TRA2B: variants seen among roughly 807,000 people sequenced by gnomAD.
TRA2B encodes the protein transformer 2 beta homolog.
A neutral mutation model predicts 41.7 loss-of-function variants in TRA2B; 14 were observed. The observed-to-expected ratio is 0.34, with a 90% confidence interval of 0.22 to 0.53. The LOEUF (loss-of-function observed/expected upper bound fraction) is 0.53. Ranked by LOEUF, TRA2B falls within the 20% of genes least tolerant of loss-of-function variation. TRA2B has a pLI of 0.95. For missense variants in TRA2B, 167 were observed against 396.8 expected, an observed-to-expected ratio of 0.42 and a Z score of 4.92; for synonymous variants, 130 against 128.8, an observed-to-expected ratio of 1.01 and a Z score of -0.06.
rs1030310505 is a variant in TRA2B, at chr3:185,925,262, A to T, written c.333+202T>A. ...TAAGGAGTTACACCATTGTGTCAGT[A>T]TTATGCTTAATTGACAGGCAGCCCA... is the stretch of plus-strand genomic sequence containing the variant. On this transcript the variant is annotated intron_variant, in intron 3 of 8. Coordinates refer to ENST00000453386, the MANE Select transcript of TRA2B (RefSeq NM_004593.3). The T allele has an allele frequency of 1.7e-5, 9 of 541,048 alleles. No homozygotes were observed. The African/African-American group carries it at 1.7e-4, about 10-fold the overall frequency. The allele number at this position is 541,048 out of a possible 1,614,324, so 33.5% of individuals were successfully genotyped here.
rs1743449002 is a variant in TRA2B, at chr3:185,914,855, T to C, written c.*2860A>G. Among the ~76,000 whole-genome samples the C allele has an allele frequency of 6.6e-6, 1 of 152,210 alleles. No individual in the cohort carries two copies. The highest frequency in any genetic ancestry group is 6.5e-5 in the Admixed American group (1 of 15,274). Reference sequence around the variant, plus strand: ...GCAAACCAAATCTTTTTATTTCTTCTCGGTGAAACTTCTAATTCTCAATTT... The same window carrying C: ...GCAAACCAAATCTTTTTATTTCTTCCCGGTGAAACTTCTAATTCTCAATTT... On this transcript the variant is annotated 3_prime_UTR_variant, in exon 9 of 9. Transcript: ENST00000453386.
chr3:185,926,684 A>C lies in TRA2B; in HGVS notation c.87T>G (p.Ser29=), dbSNP rs769819396. 1.9e-6 allele frequency: 3 copies of C among 1,614,206 alleles called. No homozygotes were observed. The highest frequency in any genetic ancestry group is 2.5e-6 in the Non-Finnish European group (3 of 1,180,026). ...RSGSAHGSGK[S]ARHTPARSRS... is the part of the protein sequence containing the mutation. ...GAGACCTTGCAGGGGTATGCCTTGC[A>C]GATTTCCCCGATCCGTGAGCACTTC... Residue 29 remains serine (S), a synonymous_variant, in exon 2 of 9, where the codon TCT becomes TCG. Coordinates refer to ENST00000453386, the MANE Select transcript of TRA2B (RefSeq NM_004593.3).
intron 1 of TRA2B, chr3:185,927,906 TAGACA>T (rs1256892014): frequency 6.6e-6 from 1 of 152,208 alleles, no homozygotes; most frequent in African/African-American, 2.4e-5. Flanking sequence ...TTATCAAACT[TAGACA>T]AAGTAAAGCC....
Position 185,925,448 on chromosome 3 carries a change from C to T in TRA2B, c.333+16G>A. 1 of 1,608,462 alleles carries T rather than the reference C, an allele frequency of 6.2e-7. No homozygotes were observed. Among genetic ancestry groups the T allele is most frequent in the East Asian group, 2.2e-5 (1 of 44,756 alleles). On this transcript the variant is annotated intron_variant, in intron 3 of 8. Transcript: ENST00000453386. Reference sequence around the variant, plus strand: ...TTTAGGCAGTTGACTGCTTCAAAACCAGTTTTTCATCTTACCCGATTCCCA... The same window carrying T: ...TTTAGGCAGTTGACTGCTTCAAAACTAGTTTTTCATCTTACCCGATTCCCA...
chr3:185,920,891 C>A (rs539014098), intron 6 of TRA2B, among the ~76,000 whole-genome samples: 1 of 152,114 alleles, frequency 6.6e-6, no homozygotes, highest in Non-Finnish European at 1.5e-5. Context: ...CATTTAAATC[C>A]CATTTATATT....
At position 185,923,864 on chromosome 3, in the gene TRA2B, C is replaced by A; in HGVS notation, c.454G>T (p.Asp152Tyr). The A allele has an allele frequency of 1.2e-6, 2 of 1,613,982 alleles. No homozygotes were observed. The highest frequency in any genetic ancestry group is 2.2e-5 in the South Asian group (2 of 91,036). The change falls in exon 4 of 9, where the codon GAC becomes TAC. Residue 152 changes from aspartate (D) to tyrosine (Y), a missense_variant. Around this residue, in one of 5 missense-constraint regions of TRA2B, gnomAD observed 20 missense variants for 159.6 expected, o/e 0.13. Transcript: ENST00000453386. ...CCTCTTGAACGCCTAGACTGCTGGT[C>A]ATATACAATAGACACATCGGCAATG... is the stretch of plus-strand genomic sequence containing the variant. ...GPIADVSIVY[D>Y]QQSRRSRGFA...
At chr3:185,934,248 C>T (rs990312565) in intron 1 of TRA2B, among the ~76,000 whole-genome samples, 2 of 152,192 alleles carry the variant, frequency 1.3e-5, no homozygotes, top group Middle Eastern at 3.2e-3. Context: ...GAAATATACA[C>T]AGCTGTAGCT....
At chr3:185,937,483 T>C in intron 1 of TRA2B, 1 of 1,074,358 alleles carries the variant, frequency 9.3e-7, no homozygotes, top group Non-Finnish European at 1.1e-6. Flanking sequence ...GCGGCGGACC[T>C]TCGCAGGAGA....
chr3:185,936,124 T>TATTC (rs1231535737), intron 1 of TRA2B: 2 of 985,442 alleles, frequency 2.0e-6, no homozygotes, highest in South Asian at 9.4e-5. Context: ...TCTTCACGTG[T>TATTC]ATTCAATCGA....
At chr3:185,934,282 G>C (rs1254046774) in intron 1 of TRA2B, 2 of 964,610 alleles carry the variant, frequency 2.1e-6, no homozygotes, top group Middle Eastern at 5.3e-4. Flanking sequence ...GGGCAAAATA[G>C]CTATGAAAGC....
At chr3:185,918,090 T>C (rs1743572415) in intron 8 of TRA2B, among the ~76,000 whole-genome samples, 1 of 152,054 alleles carries the variant, frequency 6.6e-6, no homozygotes, top group Non-Finnish European at 1.5e-5. Flanking sequence ...GGGTAAATGG[T>C]GGAAATACAT....
chr3:185,917,794 G>C lies in TRA2B; in HGVS notation c.857-69C>G, dbSNP rs1188315882. On this transcript the variant is annotated intron_variant, in intron 8 of 8. Transcript: ENST00000453386. ...ATTATCAAGTATACTTTAATGCCGA[G>C]AATTTCAGAATATTCTGCCATTAAG... is the stretch of plus-strand genomic sequence containing the variant. 5.3e-6 allele frequency: 8 copies of C among 1,514,832 alleles called. 1 individual carries two copies. In the Admixed American group the frequency reaches 1.4e-4, roughly 26 times the overall value. The allele number at this position is 1,514,832 out of a possible 1,614,324, so 93.8% of individuals were successfully genotyped here.
Position 185,926,663 on chromosome 3 carries a change from C to A in TRA2B, c.108G>T (p.Arg36Ser). The A allele has an allele frequency of 6.2e-7, 1 of 1,614,134 alleles. No individual in the cohort carries two copies. Among genetic ancestry groups the A allele is most frequent in the South Asian group, 1.1e-5 (1 of 91,086 alleles). The change falls in exon 2 of 9, where the codon AGG becomes AGT. Residue 36 changes from arginine to serine, a missense_variant. Physicochemically the swap from Arg to Ser is moderately radical, Grantham distance 110. Coordinates refer to ENST00000453386, the MANE Select transcript of TRA2B (RefSeq NM_004593.3). ...SGKSARHTPA[R>S]SRSKEDSRRS... ...GCCTGGAATCTTCCTTGGAGCGAGA[C>A]CTTGCAGGGGTATGCCTTGCAGATT...
intron 1 of TRA2B, chr3:185,937,292 C>A: frequency 1.0e-6 from 1 of 987,008 alleles, no homozygotes; most frequent in Non-Finnish European, 1.2e-6. Flanking sequence ...GAGGCAAAGA[C>A]GGTCCTTCGT....
intron 1 of TRA2B, chr3:185,935,386 G>A (rs772734032): frequency 8.7e-4 from 862 of 985,418 alleles, no homozygotes; most frequent in Admixed American, 1.8e-3. Context: ...AGGGATGAGG[G>A]ACACACCAGT....
At chr3:185,920,929 A>G (rs765619151) in intron 6 of TRA2B, among the ~76,000 whole-genome samples, 175 bp downstream of exon 6, 2 of 151,536 alleles carry the variant, frequency 1.3e-5, no homozygotes, top group Non-Finnish European at 3.0e-5. Flanking sequence ...AAATCCAGTT[A>G]CACATTAAAT....
At chr3:185,922,227 T>C in intron 4 of TRA2B, 101 bp from the exon 5 acceptor site, 2 of 705,254 alleles carry the variant, frequency 2.8e-6, no homozygotes, top group Non-Finnish European at 4.7e-6. Context: ...TTAGGTGCAT[T>C]AAGTTATCTT....
intron 1 of TRA2B, chr3:185,936,538 T>C (rs1744362339): frequency 1.0e-6 from 1 of 985,354 alleles, no homozygotes; most frequent in East Asian, 1.1e-4. Flanking sequence ...TGAAAATTTC[T>C]TCCTAAAATA....
chr3:185,925,840 T>C lies in TRA2B; in HGVS notation c.171-214A>G, dbSNP rs564687912. ...AAAAACCACAAGCTCTCCTCCAGTATTTCTTCCAATTAAAGACATATTACT... is the reference window on the plus strand; with the variant it reads ...AAAAACCACAAGCTCTCCTCCAGTACTTCTTCCAATTAAAGACATATTACT... On this transcript the variant is annotated intron_variant, in intron 2 of 8. Transcript: ENST00000453386. Among the ~76,000 whole-genome samples, 5 of 152,332 alleles carry C rather than the reference T, an allele frequency of 3.3e-5. No individual in the cohort carries two copies. The East Asian group carries it at 5.8e-4, about 18-fold the overall frequency.
Sources: allele counts gnomAD v4.1 joint callset (sites outside exome capture counted in the v4.1 genomes callset), GRCh38; gene constraint gnomAD v4.1.1; regional missense constraint gnomAD v4.1.1; transcripts MANE v1.5; gene names NCBI Gene and HGNC (gene_info 2026-07-23, HGNC 2026-07-21).